DDX60L: variants seen among roughly 807,000 people sequenced by gnomAD.
DDX60L encodes the protein probable ATP-dependent RNA helicase DDX60-like.
DDX60L carries 191 observed loss-of-function variants against 211.6 expected under a neutral mutation model. That is an observed-to-expected ratio of 0.90 (90% confidence interval 0.80 to 1.02). The LOEUF (loss-of-function observed/expected upper bound fraction) is 1.02. DDX60L is among the 50% of genes least tolerant of loss of function. DDX60L has a pLI of 0.00. For missense variants in DDX60L, 2,007 were observed against 1,984.1 expected, an observed-to-expected ratio of 1.01 and a Z score of -0.22; for synonymous variants, 706 against 694.1, an observed-to-expected ratio of 1.02 and a Z score of -0.27.
At chr4:168,377,898 T>C (rs1742258185) in intron 33 of DDX60L, 1 of 152,166 alleles carries the variant, frequency 6.6e-6, no homozygotes, top group African/African-American at 2.4e-5. Context: ...ACTTAGAAAA[T>C]AATTTTTCTT....
intron 28 of DDX60L, among the ~76,000 whole-genome samples, chr4:168,392,153 C>A (rs1042283156): frequency 2.0e-5 from 3 of 152,212 alleles, no homozygotes; most frequent in Non-Finnish European, 4.4e-5. Flanking sequence ...AATGTTTTGT[C>A]TTACGTACTC....
At chr4:168,445,110 A>G (rs1754556012) in intron 9 of DDX60L, among the ~76,000 whole-genome samples, 1 of 133,110 alleles carries the variant, frequency 7.5e-6, no homozygotes, top group South Asian at 2.8e-4. Flanking sequence ...TGAAAGGATC[A>G]ACAAAATTGA....
rs1738305779 is a variant in DDX60L, at chr4:168,357,023, T to A, written c.*1124A>T. The A allele has an allele frequency of 6.6e-6, 1 of 152,162 alleles. No homozygotes were observed. The highest frequency in any genetic ancestry group is 6.5e-5 in the Admixed American group (1 of 15,280). 9.4% of individuals were successfully genotyped at this position (152,162 alleles called of 1,614,324 possible). ...CACAGCAAAAACGCACCTTTAAAGG[T>A]TTGTTTTTGTTATGGTTGCTGTTTG... is the stretch of plus-strand genomic sequence containing the variant. On this transcript the variant is annotated 3_prime_UTR_variant, in exon 38 of 38. Transcript: ENST00000682922.
intron 7 of DDX60L, 148 bp downstream of exon 7, chr4:168,455,891 G>A: frequency 1.8e-6 from 1 of 551,116 alleles, no homozygotes; most frequent in Non-Finnish European, 3.2e-6. Context: ...ATTGGTGGGG[G>A]AAGGGGCTAA....
chr4:168,411,112 A>T (rs991632579), intron 22 of DDX60L, among the ~76,000 whole-genome samples: 2 of 152,214 alleles, frequency 1.3e-5, no homozygotes, highest in Non-Finnish European at 2.9e-5. Flanking sequence ...TCACTTTTCT[A>T]TGAAGTCCAT....
At position 168,373,708 on chromosome 4, in the gene DDX60L, C is replaced by A. The variant is rs13133439; in HGVS notation, c.4734G>T (p.Gly1578=). 1 of 1,613,862 alleles carries A rather than the reference C, an allele frequency of 6.2e-7. No individual in the cohort carries two copies. Among genetic ancestry groups the A allele is most frequent in the South Asian group, 1.1e-5 (1 of 91,056 alleles). The change falls in exon 35 of 38, where the codon GGG becomes GGT. Residue 1578 remains glycine (G), a synonymous_variant. Coordinates refer to ENST00000682922, the MANE Select transcript of DDX60L (RefSeq NM_001012967.3). ...VAISPFVCLS[G]NTDNDLLRPE... Reference sequence around the variant, plus strand: ...GTCGAAGCAAATCATTATCTGTGTTCCCCGAAAGACAAACAAATGGTGAAA... The same window carrying A: ...GTCGAAGCAAATCATTATCTGTGTTACCCGAAAGACAAACAAATGGTGAAA...
At chr4:168,477,522 C>T (rs755536731) in intron 1 of DDX60L, among the ~76,000 whole-genome samples, 2 of 152,048 alleles carry the variant, frequency 1.3e-5, no homozygotes, top group Non-Finnish European at 2.9e-5. Context: ...ATTTTATGTA[C>T]CACTAATTTT....
intron 19 of DDX60L, among the ~76,000 whole-genome samples, chr4:168,418,944 A>G (rs1750020058): frequency 6.6e-6 from 1 of 152,166 alleles, no homozygotes; most frequent in African/African-American, 2.4e-5. Flanking sequence ...GGCCAGCTGC[A>G]TTTCTTCACC....
At chr4:168,419,516 G>T in intron 18 of DDX60L, 119 bp from the exon 19 acceptor site, 2 of 567,960 alleles carry the variant, frequency 3.5e-6, no homozygotes, top group South Asian at 3.5e-5. Context: ...AGATAATATT[G>T]CATCTTTGAC....
chr4:168,474,486 G>T (rs1009905099), intron 1 of DDX60L, among the ~76,000 whole-genome samples: 6 of 152,050 alleles, frequency 3.9e-5, no homozygotes, highest in Non-Finnish European at 8.8e-5. Flanking sequence ...TAATTTAGAA[G>T]TCAGAAGAGA....
At chr4:168,449,033 T>C (rs1265309186) in intron 8 of DDX60L, among the ~76,000 whole-genome samples, 1 of 152,188 alleles carries the variant, frequency 6.6e-6, no homozygotes, top group Non-Finnish European at 1.5e-5. Flanking sequence ...TCCCTTAATG[T>C]GGTACTAAAA....
At chr4:168,392,457 T>G (rs1745003214) in intron 28 of DDX60L, among the ~76,000 whole-genome samples, 2 of 152,204 alleles carry the variant, frequency 1.3e-5, no homozygotes, top group African/African-American at 4.8e-5. Context: ...TTCAACCCAT[T>G]ATTGGTTCAT....
At chr4:168,438,412 C>T (rs116175721) in intron 10 of DDX60L, among the ~76,000 whole-genome samples, 1 of 152,116 alleles carries the variant, frequency 6.6e-6, no homozygotes, top group East Asian at 1.9e-4. Flanking sequence ...ATTGTGTTTT[C>T]CCCAGGCCAC....
chr4:168,360,532 T>A (rs1017453660), intron 37 of DDX60L, among the ~76,000 whole-genome samples: 8 of 152,182 alleles, frequency 5.3e-5, no homozygotes, highest in African/African-American at 1.9e-4. Context: ...AAAACTGAAT[T>A]TACGTGAAAA....
At chr4:168,394,105 A>T (rs960435685) in intron 28 of DDX60L, among the ~76,000 whole-genome samples, 1 of 152,102 alleles carries the variant, frequency 6.6e-6, no homozygotes, top group Admixed American at 6.5e-5. Flanking sequence ...CTAAAGTAGG[A>T]AAATTGATTG....
At chr4:168,405,264 T>C (rs1474913868) in intron 24 of DDX60L, among the ~76,000 whole-genome samples, 3 of 152,144 alleles carry the variant, frequency 2.0e-5, no homozygotes, top group African/African-American at 7.2e-5. Flanking sequence ...CGCCTCAGCT[T>C]CCCAAAGTGC....
At chr4:168,359,853 C>T (rs1390520642) in intron 37 of DDX60L, among the ~76,000 whole-genome samples, 3 of 152,156 alleles carry the variant, frequency 2.0e-5, no homozygotes, top group Non-Finnish European at 4.4e-5. Context: ...TGTACTCCAC[C>T]ATCATTAGCT....
chr4:168,426,009 T>G (rs542527675), intron 14 of DDX60L, among the ~76,000 whole-genome samples: 2 of 152,098 alleles, frequency 1.3e-5, no homozygotes, highest in Non-Finnish European at 2.9e-5. Flanking sequence ...CCACAGAAAT[T>G]TGAGGGAGCA....
At chr4:168,384,527 A>T in intron 30 of DDX60L, 85 bp downstream of exon 30, 2 of 1,534,362 alleles carry the variant, frequency 1.3e-6, no homozygotes, top group Non-Finnish European at 8.9e-7. Context: ...TTCTTTCTCA[A>T]GACAGACTTC....
Sources: gnomAD v4.1 joint callset for allele counts (sites outside exome capture counted in the v4.1 genomes callset) on GRCh38, gnomAD v4.1.1 for gene constraint, MANE v1.5 for transcripts, NCBI Gene and HGNC (gene_info 2026-07-23, HGNC 2026-07-21) for gene names.